FBXL7: variants seen among roughly 807,000 people sequenced by gnomAD.
FBXL7 encodes the protein F-box and leucine rich repeat protein 7.
A neutral mutation model predicts 38.3 loss-of-function variants in FBXL7; 12 were observed. The ratio of observed to expected loss-of-function variants is 0.31; its 90% confidence interval spans 0.20 to 0.51. FBXL7 has a LOEUF of 0.51. Ranked by LOEUF, FBXL7 falls within the 20% of genes least tolerant of loss-of-function variation. FBXL7 has a pLI of 0.98. For synonymous variants in FBXL7, 297 were observed against 300.9 expected (o/e 0.99, Z 0.13); for missense variants, 567 against 676.4 (o/e 0.84, Z 1.79).
At position 15,890,749 on chromosome 5, in the gene FBXL7, T is replaced by C. The variant is rs73752355; in HGVS notation, c.128-37141T>C. ...GTGCCGAAAAGGCTGGGGACCGCTGTTCTAAGGCTCATCTGAAAATGAAGA... is the reference window on the plus strand; with the variant it reads ...GTGCCGAAAAGGCTGGGGACCGCTGCTCTAAGGCTCATCTGAAAATGAAGA... On this transcript the variant is annotated intron_variant, in intron 2 of 3. Coordinates refer to ENST00000504595, the MANE Select transcript of FBXL7 (RefSeq NM_012304.5). Among the ~76,000 whole-genome samples the C allele has an allele frequency of 6.9e-3, 1,051 of 152,274 alleles. 20 individuals are homozygous for C. Among genetic ancestry groups the C allele is most frequent in the African/African-American group, 0.024 (1,000 of 41,550 alleles).
At chr5:15,713,864 A>G (rs976736968) in intron 2 of FBXL7, among the ~76,000 whole-genome samples, 2 of 152,202 alleles carry the variant, frequency 1.3e-5, no homozygotes, top group Non-Finnish European at 1.5e-5. Flanking sequence ...AAAAGTCTCT[A>G]TTATGTTACA....
chr5:15,812,442 A>G (rs1185467238), intron 2 of FBXL7, among the ~76,000 whole-genome samples: 1 of 152,172 alleles, frequency 6.6e-6, no homozygotes, highest in Non-Finnish European at 1.5e-5. Flanking sequence ...CCACCGTGGC[A>G]CATGTATACC....
At chr5:15,754,513 G>A (rs1404588125) in intron 2 of FBXL7, among the ~76,000 whole-genome samples, 1 of 152,110 alleles carries the variant, frequency 6.6e-6, no homozygotes, top group Non-Finnish European at 1.5e-5. Context: ...ATTTCAACAG[G>A]CTTATGTACA....
intron 2 of FBXL7, among the ~76,000 whole-genome samples, chr5:15,787,820 T>C (rs555819544): frequency 6.6e-6 from 1 of 152,340 alleles, no homozygotes; most frequent in South Asian, 2.1e-4. Context: ...TGGTCGTTTC[T>C]ATTTATGTGA....
chr5:15,705,313 G>T (rs539803677), intron 2 of FBXL7, among the ~76,000 whole-genome samples: 2 of 152,148 alleles, frequency 1.3e-5, no homozygotes, highest in Non-Finnish European at 2.9e-5. Flanking sequence ...TGCTTGGCAC[G>T]TAAGCATGCT....
intron 2 of FBXL7, among the ~76,000 whole-genome samples, chr5:15,752,123 T>C (rs1736170241): frequency 6.6e-6 from 1 of 151,954 alleles, no homozygotes; most frequent in South Asian, 2.1e-4. Context: ...GAAGTGTATG[T>C]ACTGGTGAAA....
intron 2 of FBXL7, among the ~76,000 whole-genome samples, chr5:15,878,729 G>A (rs532761461): frequency 6.6e-6 from 1 of 152,242 alleles, no homozygotes; most frequent in Admixed American, 6.5e-5. Context: ...AGAGAAAATG[G>A]AGACGCAGCC....
chr5:15,913,289 C>CT (rs1416098741), intron 2 of FBXL7, among the ~76,000 whole-genome samples: 8 of 129,722 alleles, frequency 6.2e-5, no homozygotes, highest in African/African-American at 1.5e-4. Context: ...TTATTATACT[C>CT]TAAGTTTTAG....
At chr5:15,866,632 T>C (rs1320568041) in intron 2 of FBXL7, among the ~76,000 whole-genome samples, 1 of 152,076 alleles carries the variant, frequency 6.6e-6, no homozygotes, top group Non-Finnish European at 1.5e-5. Flanking sequence ...TTGCCGCACC[T>C]ATTGACCCAT....
intron 2 of FBXL7, among the ~76,000 whole-genome samples, chr5:15,676,919 C>T (rs1210605644): frequency 6.6e-6 from 1 of 152,182 alleles, no homozygotes; most frequent in Non-Finnish European, 1.5e-5. Context: ...TCAAACACTC[C>T]ATACCTGCCA....
intron 1 of FBXL7, among the ~76,000 whole-genome samples, chr5:15,565,163 T>C (rs537707882): frequency 6.6e-6 from 1 of 152,260 alleles, no homozygotes; most frequent in East Asian, 1.9e-4. Context: ...TGATACAATT[T>C]TTCCATGCCA....
At position 15,515,869 on chromosome 5, in the gene FBXL7, T is replaced by G. The variant is rs111647007; in HGVS notation, c.37+15156T>G. 1.6e-3 allele frequency among the ~76,000 whole-genome samples: 241 copies of G among 152,266 alleles called. 1 individual carries two copies. Among genetic ancestry groups the G allele is most frequent in the African/African-American group, 5.7e-3 (237 of 41,566 alleles). ...GTCATTTTATTACACTCAAATAACA[T>G]TCCACTGAGATTATCAAATTACTAT... On this transcript the variant is annotated intron_variant, in intron 1 of 3. Transcript: ENST00000504595.
chr5:15,876,995 T>A (rs1288143474), intron 2 of FBXL7, among the ~76,000 whole-genome samples: 2 of 152,210 alleles, frequency 1.3e-5, no homozygotes, highest in Non-Finnish European at 2.9e-5. Context: ...AGATTTTAAA[T>A]ATTTAACATC....
chr5:15,650,692 A>G (rs1361149458), intron 2 of FBXL7, among the ~76,000 whole-genome samples: 1 of 152,204 alleles, frequency 6.6e-6, no homozygotes, highest in Non-Finnish European at 1.5e-5. Flanking sequence ...TTTTCTTGTC[A>G]TTTCAACAAC....
At chr5:15,892,846 G>A (rs1026499626) in intron 2 of FBXL7, among the ~76,000 whole-genome samples, 34 of 152,020 alleles carry the variant, frequency 2.2e-4, no homozygotes, top group South Asian at 2.1e-4. Flanking sequence ...GGCCGGGCGC[G>A]GTGGCTCACG....
chr5:15,731,310 G>A (rs1394218526), intron 2 of FBXL7, among the ~76,000 whole-genome samples: 3 of 152,320 alleles, frequency 2.0e-5, no homozygotes, highest in Admixed American at 6.5e-5. Flanking sequence ...TCATGGTGAA[G>A]GCAAGGGGGC....
chr5:15,877,778 GT>G (rs1740270654), intron 2 of FBXL7, among the ~76,000 whole-genome samples: 1 of 152,064 alleles, frequency 6.6e-6, no homozygotes, highest in African/African-American at 2.4e-5. Flanking sequence ...ATTTTTGCGG[GT>G]CTGATCACCT....
chr5:15,664,482 T>G (rs1307693553), intron 2 of FBXL7, among the ~76,000 whole-genome samples: 20 of 145,122 alleles, frequency 1.4e-4, no homozygotes, highest in African/African-American at 4.8e-4. Flanking sequence ...TTTTTTTTTT[T>G]TTTTTTTTTG....
rs1260087993 is a variant in FBXL7, at chr5:15,586,621, T to G, written c.38-29362T>G. ...TTTCAAAAAACTACTCAGAATTCCATCTAAAGTGAAAACAATGAAGAATTG... is the reference window on the plus strand; with the variant it reads ...TTTCAAAAAACTACTCAGAATTCCAGCTAAAGTGAAAACAATGAAGAATTG... On this transcript the variant is annotated intron_variant, in intron 1 of 3. Transcript: ENST00000504595. 2.6e-5 allele frequency among the ~76,000 whole-genome samples: 4 copies of G among 152,184 alleles called. No homozygotes were observed. In the East Asian group the frequency reaches 7.8e-4, roughly 30 times the overall value.
Sources: allele counts gnomAD v4.1 joint callset (sites outside exome capture counted in the v4.1 genomes callset), GRCh38; gene constraint gnomAD v4.1.1; transcripts MANE v1.5; gene names NCBI Gene and HGNC (gene_info 2026-07-23, HGNC 2026-07-21).